Variants in PCM1 observed in about 807,000 individuals in gnomAD.
The protein encoded by PCM1 is pericentriolar material 1 protein.
In PCM1, 157 loss-of-function variants were observed where a neutral mutation model predicts 241.9. The ratio of observed to expected loss-of-function variants is 0.65; its 90% confidence interval spans 0.57 to 0.74. The LOEUF (loss-of-function observed/expected upper bound fraction) is 0.74. PCM1 is among the 30% of genes least tolerant of loss of function. PCM1 has a pLI of 0.00. For missense variants in PCM1, 3,478 were observed against 2,360.1 expected (o/e 1.47, Z -9.81); for synonymous variants, 1,085 against 784.9 (o/e 1.38, Z -6.39).
chr8:17,986,582 G>C (rs1280033219), intron 26 of PCM1, among the ~76,000 whole-genome samples: 1 of 151,562 alleles, frequency 6.6e-6, no homozygotes, highest in African/African-American at 2.4e-5. Flanking sequence ...AAAAGGACCT[G>C]GAAATGGAGA....
intron 2 of PCM1, among the ~76,000 whole-genome samples, chr8:17,932,702 G>T (rs995280138): frequency 6.6e-6 from 1 of 151,746 alleles, no homozygotes; most frequent in Non-Finnish European, 1.5e-5. Context: ...AATAAAATCT[G>T]TTGAACTTTT....
chr8:17,988,269 G>T (rs1259901479), intron 26 of PCM1, among the ~76,000 whole-genome samples: 1 of 151,696 alleles, frequency 6.6e-6, no homozygotes, highest in African/African-American at 2.4e-5. Flanking sequence ...TTTAATCAGG[G>T]ACAAATGTTT....
At chr8:17,948,483 T>C (rs1034206615) in intron 7 of PCM1, among the ~76,000 whole-genome samples, 3 of 151,942 alleles carry the variant, frequency 2.0e-5, no homozygotes, top group African/African-American at 7.3e-5. Flanking sequence ...TTTTGTATTT[T>C]TAGTAGAGTC....
intron 36 of PCM1, among the ~76,000 whole-genome samples, chr8:18,022,584 A>G (rs914573538): frequency 2.0e-5 from 3 of 152,232 alleles, no homozygotes; most frequent in African/African-American, 7.2e-5. Flanking sequence ...ACTGGGAAGA[A>G]GTTACAGAAG....
intron 21 of PCM1, 80 bp from the exon 22 acceptor site, chr8:17,969,493 TTTAA>T (rs2076147925): frequency 5.9e-6 from 6 of 1,020,406 alleles, no homozygotes; most frequent in Non-Finnish European, 8.7e-6. Flanking sequence ...GAATGACATG[TTTAA>T]TTAAAACTGT....
At chr8:17,966,500 A>C in intron 20 of PCM1, 27 bp downstream of exon 20, 1 of 1,605,154 alleles carries the variant, frequency 6.2e-7, no homozygotes, top group Non-Finnish European at 8.5e-7. Context: ...AAGTATTGAG[A>C]CTGTATAAGA....
chr8:18,017,769 T>C (rs578339), intron 36 of PCM1, among the ~76,000 whole-genome samples: 118,441 of 151,832 alleles, frequency 0.78, 46,762 homozygotes, highest in African/African-American at 0.85. Context: ...AGGAGAATCG[T>C]TTGAACCCAG....
chr8:17,991,559 T>C lies in PCM1; in HGVS notation c.4549T>C (p.Leu1517=). ...TDDLGNTVIH[L]DQALARMREY... ...AAATGTAGGTAACACCGTGATTCAC[T>C]TAGATCAAGCATTAGCCAGAATGAG... Residue 1517 remains leucine, a synonymous_variant, in exon 28 of 39, where the codon TTA becomes CTA. Transcript: ENST00000325083. The C allele has an allele frequency of 6.2e-7, 1 of 1,602,076 alleles. No individual in the cohort carries two copies. Among genetic ancestry groups the C allele is most frequent in the South Asian group, 1.1e-5 (1 of 88,508 alleles).
In PCM1 at chr8:18,010,681, T is replaced by G. The variant is rs1422853431; in HGVS notation, c.5220+13T>G. Reference sequence around the variant, plus strand: ...TGATGAAGACAAAGTATGTGCTAATTAATTTTTGCCTAAAAATATGGCTGG... The same window carrying G: ...TGATGAAGACAAAGTATGTGCTAATGAATTTTTGCCTAAAAATATGGCTGG... On this transcript the variant is annotated intron_variant, in intron 32 of 38. Transcript: ENST00000325083. 22 of 1,583,778 alleles carry G rather than the reference T, an allele frequency of 1.4e-5. No individual in the cohort carries two copies. In the Admixed American group the frequency reaches 3.0e-4, roughly 22 times the overall value.
Position 17,989,854 on chromosome 8 carries a change from C to A in PCM1, c.4411-5C>A. The A allele has an allele frequency of 6.6e-7, 1 of 1,525,756 alleles. No homozygotes were observed. The highest frequency in any genetic ancestry group is 1.4e-5 in the African/African-American group (1 of 72,340). The allele number at this position is 1,525,756 out of a possible 1,614,324, so 94.5% of individuals were successfully genotyped here. A position where few individuals can be genotyped will look rare whatever the true frequency, so the allele number is the denominator to read the frequency against. On this transcript the variant is annotated splice_polypyrimidine_tract_variant and splice_region_variant and intron_variant, in intron 26 of 38. Transcript: ENST00000325083. ...GTGATTTTTGTTTGTTTTACTGTAA[C>A]TTAGGAAACTTTTGAGAAGAACTTT...
intron 6 of PCM1, chr8:17,940,150 G>C (rs2061592892): frequency 2.6e-6 from 4 of 1,527,856 alleles, no homozygotes; most frequent in Admixed American, 1.9e-5. Context: ...TGAGGCTTCA[G>C]ATACCACGGT....
Position 17,962,117 on chromosome 8 carries a change from G to T in PCM1, c.2406G>T (p.Glu802Asp), listed in dbSNP as rs2072559404. ...VTSTPTVNQH[E>D]TSTSKSVFEP... ...CAACCCCAACTGTTAATCAACACGA[G>T]ACCAGTACAAGCAAATCTGTTTTTG... The change falls in exon 16 of 39, where the codon GAG (glutamate) becomes GAT (aspartate). Residue 802 changes from glutamate to aspartate, a missense_variant. Coordinates refer to ENST00000325083, the MANE Select transcript of PCM1 (RefSeq NM_006197.4). 1.2e-6 allele frequency: 2 copies of T among 1,610,564 alleles called. No homozygotes were observed. Among genetic ancestry groups the T allele is most frequent in the African/African-American group, 2.7e-5 (2 of 74,882 alleles).
chr8:17,989,766 A>C (rs761671884), intron 26 of PCM1, 93 bp from the exon 27 acceptor site: 3 of 898,584 alleles, frequency 3.3e-6, no homozygotes, highest in Non-Finnish European at 4.9e-6. Flanking sequence ...TTAAGTGTAC[A>C]ATTTTATGTA....
At position 17,960,360 on chromosome 8, in the gene PCM1, A is replaced by G. The variant is rs1427930536; in HGVS notation, c.2238A>G (p.Leu746=). 30 of 1,605,514 alleles carry G rather than the reference A, an allele frequency of 1.9e-5. No homozygotes were observed. The highest frequency in any genetic ancestry group is 2.4e-5 in the Non-Finnish European group (28 of 1,177,438). Residue 746 remains leucine (L), a synonymous_variant, in exon 15 of 39, where the codon CTA becomes CTG. Coordinates refer to ENST00000325083, the MANE Select transcript of PCM1 (RefSeq NM_006197.4). ...AACTACAGCAGCAACAGAGAGAGCT[A>G]AAACAATTGCAGGAAGAAAGAAAGA... ...EAKLQQQQRE[L]KQLQEERKKL...
At chr8:18,011,138 T>C in intron 32 of PCM1, 99 bp from the exon 33 acceptor site, 1 of 768,172 alleles carries the variant, frequency 1.3e-6, no homozygotes, top group Non-Finnish European at 1.9e-6. Flanking sequence ...TCTTTGTATT[T>C]TTTATTAGAT....
At chr8:17,936,198 TG>T (rs1230018666) in intron 3 of PCM1, among the ~76,000 whole-genome samples, 2 of 152,202 alleles carry the variant, frequency 1.3e-5, no homozygotes, top group Non-Finnish European at 2.9e-5. Context: ...TTTTGTAGTA[TG>T]ATTATCCTAA....
At chr8:17,972,197 G>T in intron 22 of PCM1, 132 bp from the exon 23 acceptor site, 1 of 500,296 alleles carries the variant, frequency 2.0e-6, no homozygotes, top group Non-Finnish European at 3.5e-6. Flanking sequence ...GTGTATTTTT[G>T]TGAAAACATT....
chr8:17,994,100 AC>A (rs1431069038), intron 29 of PCM1, among the ~76,000 whole-genome samples: 1 of 152,146 alleles, frequency 6.6e-6, no homozygotes, highest in Non-Finnish European at 1.5e-5. Flanking sequence ...GACTGTAGTC[AC>A]CCTGTTGTGC....
rs972509166 is a variant in PCM1, at chr8:18,013,873, T to A, written c.5512-91T>A. ...TTTAAATTTCTTTGTATGAAGGTCT[T>A]GGGTTGGACAAAAACTACACACTAG... On this transcript the variant is annotated intron_variant, in intron 34 of 38. Coordinates refer to ENST00000325083, the MANE Select transcript of PCM1 (RefSeq NM_006197.4). 101 of 732,706 alleles carry A rather than the reference T, an allele frequency of 1.4e-4. 1 individual carries two copies. In the East Asian group the frequency reaches 2.2e-3, roughly 16 times the overall value. 45.4% of individuals were successfully genotyped at this position (732,706 alleles called of 1,614,324 possible). A position where few individuals can be genotyped will look rare whatever the true frequency, so the allele number is the denominator to read the frequency against.
Sources: gnomAD v4.1 joint callset for allele counts (sites outside exome capture counted in the v4.1 genomes callset) on GRCh38, gnomAD v4.1.1 for gene constraint, MANE v1.5 for transcripts, NCBI Gene and HGNC (gene_info 2026-07-23, HGNC 2026-07-21) for gene names.